The following DAGLB variants were observed in gnomAD, a reference collection of about 807,000 sequenced individuals.
DAGLB encodes the protein diacylglycerol lipase beta, also known as diacylglycerol lipase-beta.
A neutral mutation model predicts 72.1 loss-of-function variants in DAGLB; 66 were observed. The ratio of observed to expected loss-of-function variants is 0.92; its 90% CI spans 0.75 to 1.12. DAGLB has a LOEUF of 1.12. Among genes scored for constraint, DAGLB ranks in the 50% most tolerant of loss-of-function variants. The probability of loss-of-function intolerance (pLI) is 0.00; values close to 1 mark genes in which losing one functional copy is unlikely to be tolerated. For missense variants in DAGLB, 1,065 were observed against 884.9 expected, an observed-to-expected ratio of 1.20 and a Z score of -2.58; for synonymous variants, 414 against 359.5, an observed-to-expected ratio of 1.15 and a Z score of -1.71.
Position 6,442,719 on chromosome 7 carries a change from T to C in DAGLB, c.247+3234A>G, listed in dbSNP as rs1445626202. Among the ~76,000 whole-genome samples, 3 of 152,138 alleles carry C rather than the reference T, an allele frequency of 2.0e-5. No homozygotes were observed. In the East Asian group the frequency reaches 5.8e-4, roughly 29 times the overall value. On this transcript the variant is annotated intron_variant, in intron 2 of 14. Coordinates refer to ENST00000297056, the MANE Select transcript of DAGLB (RefSeq NM_139179.4). ...AACACAAACGTGGAGCCTCCATCAA[T>C]CCAGCCTCCTTGCGTGGATGTTTCT...
intron 2 of DAGLB, among the ~76,000 whole-genome samples, chr7:6,443,259 A>C (rs1285876681): frequency 6.7e-6 from 1 of 149,842 alleles, no homozygotes; most frequent in African/African-American, 2.4e-5. Context: ...TAAAAAAAAA[A>C]AAAAAAAAAA....
chr7:6,426,146 A>T (rs369212514), intron 6 of DAGLB, 32 bp from the exon 7 acceptor site: 5 of 1,610,766 alleles, frequency 3.1e-6, no homozygotes, highest in Non-Finnish European at 4.2e-6. Flanking sequence ...TACTATGCCG[A>T]ACAGAGCCAC....
intron 6 of DAGLB, among the ~76,000 whole-genome samples, chr7:6,429,690 C>G (rs774241526): frequency 2.1e-4 from 32 of 152,112 alleles, no homozygotes; most frequent in Middle Eastern, 3.4e-3. Flanking sequence ...ACCACAAGGT[C>G]AGGAGTTCCA....
In DAGLB at chr7:6,424,880, C is replaced by T. The variant is rs199647029; in HGVS notation, c.1057-45G>A. ...GCATGGGGCCTAAACAGTGAACACA[C>T]GCACCAGCACGCAAAGTCGGAGCCC... On this transcript the variant is annotated intron_variant, in intron 7 of 14. Coordinates refer to ENST00000297056, the MANE Select transcript of DAGLB (RefSeq NM_139179.4). 3.1e-4 allele frequency: 491 copies of T among 1,587,434 alleles called. 1 individual carries two copies. The Middle Eastern group carries it at 9.3e-3, about 30-fold the overall frequency.
At chr7:6,426,979 G>T (rs964945573) in intron 6 of DAGLB, among the ~76,000 whole-genome samples, 7 of 152,038 alleles carry the variant, frequency 4.6e-5, no homozygotes, top group African/African-American at 1.7e-4. Context: ...GTGGTGGCAG[G>T]CGCCTGTAAT....
chr7:6,426,202 C>T (rs1583291199), intron 6 of DAGLB, 88 bp from the exon 7 acceptor site: 8 of 1,577,476 alleles, frequency 5.1e-6, no homozygotes, highest in East Asian at 4.5e-5. Context: ...CCCAGAGACG[C>T]GAGGACCAGA....
At position 6,409,907 on chromosome 7, in the gene DAGLB, C is replaced by A; in HGVS notation, c.1949G>T (p.Ser650Ile). 2 of 1,614,118 alleles carry A rather than the reference C, an allele frequency of 1.2e-6. No individual in the cohort carries two copies. The highest frequency in any genetic ancestry group is 1.7e-6 in the Non-Finnish European group (2 of 1,180,042). The stretch of plus-strand genomic sequence containing the variant: ...GCAGGCCGCTCTGTCGGAGACCACG[C>A]TGTCCAAGGCCCGCATCAGGATGTC... ...MPDILMRALD[S>I]VVSDRAACVS... The change falls in exon 15 of 15, where the codon AGC becomes ATC. Residue 650 changes from serine to isoleucine, a missense_variant. Coordinates refer to ENST00000297056, the MANE Select transcript of DAGLB (RefSeq NM_139179.4).
chr7:6,414,441 T>C (rs13237786), intron 11 of DAGLB, among the ~76,000 whole-genome samples: 20,320 of 151,152 alleles, frequency 0.13, 2,323 homozygotes, highest in East Asian at 0.51. Context: ...GCCTCCCGGG[T>C]AGCTGGGACC....
At chr7:6,429,913 G>A (rs978412378) in intron 6 of DAGLB, among the ~76,000 whole-genome samples, 6 of 152,110 alleles carry the variant, frequency 3.9e-5, no homozygotes, top group African/African-American at 1.2e-4. Context: ...CAGTGGTGGC[G>A]GGCGCCTGTA....
rs2115281073 is a variant in DAGLB, at chr7:6,434,828, A to C, written c.612T>G (p.Ile204Met). 2 of 1,614,176 alleles carry C rather than the reference A, an allele frequency of 1.2e-6. No homozygotes were observed. Among genetic ancestry groups the C allele is most frequent in the Non-Finnish European group, 1.7e-6 (2 of 1,180,030 alleles). The part of the protein sequence containing the change: ...ETRIKLLCCC[I>M]GKDDHTRVAF... The stretch of plus-strand genomic sequence containing the variant: ...CAACCCGAGTATGGTCGTCTTTCCC[A>C]ATGCAACAGCACAAGAGCTTGATTC... Residue 204 changes from isoleucine (I) to methionine (M), a missense_variant, in exon 4 of 15, where the codon ATT becomes ATG. Physicochemically the swap from Ile to Met is conservative, Grantham distance 10. Coordinates refer to ENST00000297056, the MANE Select transcript of DAGLB (RefSeq NM_139179.4).
chr7:6,410,036 C>A lies in DAGLB; in HGVS notation c.1821-1G>T, dbSNP rs761351765. 1 of 1,612,076 alleles carries A rather than the reference C, an allele frequency of 6.2e-7. No individual in the cohort carries two copies. Among genetic ancestry groups the A allele is most frequent in the African/African-American group, 1.3e-5 (1 of 75,052 alleles). ...GTGAGCAGCAGAGCAGCAGCCAAAC[C>A]TGAAGCAGAAAAGGAGAGACAGCTC... On this transcript the variant is annotated splice_acceptor_variant, in intron 14 of 14. Transcript: ENST00000297056. LOFTEE classifies it high-confidence loss of function.
rs536569620 is a variant in DAGLB at position 6,444,328 on chromosome 7, G to A, written c.247+1625C>T. Among the ~76,000 whole-genome samples, 165 of 152,260 alleles carry A rather than the reference G, an allele frequency of 1.1e-3. 2 individuals carry two copies. Among genetic ancestry groups the A allele is most frequent in the South Asian group, 1.5e-3 (7 of 4,824 alleles). ...AATGTAAAAATAAAAGGGACCAGGC[G>A]CGGTGACTCACACTTGTAATCCTAG... On this transcript the variant is annotated intron_variant, in intron 2 of 14. Coordinates refer to ENST00000297056, the MANE Select transcript of DAGLB (RefSeq NM_139179.4).
chr7:6,447,708 C>T, intron 1 of DAGLB, 40 bp downstream of exon 1: 1 of 1,596,708 alleles, frequency 6.3e-7, no homozygotes, highest in Non-Finnish European at 8.5e-7. Flanking sequence ...CCCGCTCCCT[C>T]TCCGGTGGGC....
Position 6,436,484 on chromosome 7 carries a change from G to A in DAGLB, c.297C>T (p.Tyr99=). 6.2e-7 allele frequency: 1 copy of A among 1,614,146 alleles called. No homozygotes were observed. The highest frequency in any genetic ancestry group is 8.5e-7 in the Non-Finnish European group (1 of 1,180,026). ...CTGGAAAAAACAGCGCCAGGCGGATGTAAAGCAGCTTAGACATAGACTTCC... is the reference window on the plus strand; with the variant it reads ...CTGGAAAAAACAGCGCCAGGCGGATATAAAGCAGCTTAGACATAGACTTCC... ...GPRKSMSKLL[Y]IRLALFFPEM... Residue 99 remains tyrosine, a synonymous_variant, in exon 3 of 15, where the codon TAC becomes TAT. Transcript: ENST00000297056.
At chr7:6,445,871 G>T (rs1319656114) in intron 2 of DAGLB, 82 bp downstream of exon 2, 3 of 1,424,970 alleles carry the variant, frequency 2.1e-6, no homozygotes, top group Non-Finnish European at 2.8e-6. Flanking sequence ...AAAGTTTACA[G>T]AAGTGAATTG....
At position 6,410,130 on chromosome 7, in the gene DAGLB, C is replaced by T. The variant is rs201911372; in HGVS notation, c.1820G>A (p.Arg607Gln). 8.5e-5 allele frequency: 134 copies of T among 1,568,700 alleles called. No individual in the cohort carries two copies. Among genetic ancestry groups the T allele is most frequent in the Middle Eastern group, 1.7e-4 (1 of 5,876 alleles). ...ACCACACCCACCACGCCGCACTCAC[C>T]GCCCCGAGGCGCCCTCCTCCTGCAG... Reference protein sequence around the residue: ...IHLQEEGASGRFGCCSAAHYS... With the variant: ...IHLQEEGASGQFGCCSAAHYS... The change falls in exon 14 of 15, where the codon CGG (arginine) becomes CAG (glutamine). Residue 607 changes from arginine (R) to glutamine (Q), a missense_variant and splice_region_variant. Transcript: ENST00000297056.
chr7:6,434,347 G>T (rs183165930), intron 4 of DAGLB, among the ~76,000 whole-genome samples: 34 of 152,172 alleles, frequency 2.2e-4, no homozygotes, highest in African/African-American at 7.5e-4. Flanking sequence ...TAGCATCGTC[G>T]ATCATTTCCA....
At chr7:6,425,516 C>T (rs188550617) in intron 7 of DAGLB, among the ~76,000 whole-genome samples, 48 of 152,188 alleles carry the variant, frequency 3.2e-4, no homozygotes, top group Non-Finnish European at 8.8e-5. Context: ...ATGATCCACC[C>T]GCCTCGGCCT....
intron 6 of DAGLB, among the ~76,000 whole-genome samples, chr7:6,429,378 T>C (rs573044765): frequency 1.1e-3 from 165 of 151,744 alleles, no homozygotes; most frequent in Non-Finnish European, 2.0e-3. Flanking sequence ...AAAGAACGGC[T>C]GAGAAACTTA....
Sources: allele counts gnomAD v4.1 joint callset (sites outside exome capture counted in the v4.1 genomes callset), GRCh38; gene constraint gnomAD v4.1.1; transcripts MANE v1.5; gene names NCBI Gene and HGNC (gene_info 2026-07-23, HGNC 2026-07-21).